EYS: variants seen among roughly 807,000 people sequenced by gnomAD.
EYS encodes the protein protein eyes shut homolog.
Under a neutral mutation model 282.1 loss-of-function variants are expected in EYS, and 250 were observed. That is an observed-to-expected ratio of 0.89 (90% CI 0.80 to 0.98). EYS has a LOEUF of 0.98. EYS is among the 50% of genes least tolerant of loss of function. The pLI is 0.00. For synonymous variants in EYS, 1,355 were observed against 1,282.9 expected (o/e 1.06, Z -1.20); for missense variants, 4,016 against 3,709.0 (o/e 1.08, Z -2.15).
At chr6:65,032,621 C>A (rs1772639789) in intron 13 of EYS, among the ~76,000 whole-genome samples, 1 of 152,122 alleles carries the variant, frequency 6.6e-6, no homozygotes, top group Non-Finnish European at 1.5e-5. Flanking sequence ...GGGCAGATGC[C>A]AGCACCATAC....
intron 7 of EYS, among the ~76,000 whole-genome samples, chr6:65,385,350 G>A (rs898915012): frequency 1.3e-5 from 2 of 151,752 alleles, no homozygotes; most frequent in Non-Finnish European, 2.9e-5. Context: ...AGGGATCAAA[G>A]GCCATGTTGG....
chr6:64,879,293 A>T (rs997339318), intron 19 of EYS, among the ~76,000 whole-genome samples: 17 of 152,272 alleles, frequency 1.1e-4, no homozygotes, highest in Admixed American at 8.5e-4. Context: ...ATAGTATCAA[A>T]ATCACCAGTC....
intron 35 of EYS, among the ~76,000 whole-genome samples, chr6:63,886,509 G>T (rs1350429485): frequency 1.3e-5 from 2 of 152,176 alleles, no homozygotes; most frequent in Non-Finnish European, 2.9e-5. Context: ...ATTTCAAGAA[G>T]TAATGCTATG....
At chr6:65,350,656 C>T (rs1770564385) in intron 9 of EYS, among the ~76,000 whole-genome samples, 1 of 151,604 alleles carries the variant, frequency 6.6e-6, no homozygotes, top group Non-Finnish European at 1.5e-5. Flanking sequence ...CTTCACTTCG[C>T]AACTCTTTAT....
chr6:63,913,882 T>C (rs1246802813), intron 35 of EYS, among the ~76,000 whole-genome samples: 1 of 152,166 alleles, frequency 6.6e-6, no homozygotes, highest in Admixed American at 6.5e-5. Context: ...CTACATCAAG[T>C]CTATCAATGT....
intron 22 of EYS, among the ~76,000 whole-genome samples, chr6:64,645,198 G>A (rs1053128939): frequency 7.2e-5 from 11 of 152,182 alleles, no homozygotes; most frequent in Non-Finnish European, 1.3e-4. Flanking sequence ...CTAAGCAATT[G>A]GGAGATTGAA....
intron 31 of EYS, among the ~76,000 whole-genome samples, chr6:64,190,392 G>T (rs1312702383): frequency 6.6e-6 from 1 of 152,164 alleles, no homozygotes; most frequent in African/African-American, 2.4e-5. Context: ...TGGAAGGTGG[G>T]TAATTATATC....
intron 12 of EYS, among the ~76,000 whole-genome samples, chr6:65,209,701 C>T (rs956389200): frequency 2.6e-5 from 4 of 151,838 alleles, no homozygotes; most frequent in African/African-American, 9.7e-5. Context: ...AAGTGCAATG[C>T]GTTACAAGAA....
chr6:63,850,643 C>T (rs1190549367), intron 36 of EYS, among the ~76,000 whole-genome samples: 1 of 152,104 alleles, frequency 6.6e-6, no homozygotes, highest in Non-Finnish European at 1.5e-5. Context: ...TTTGTGACCA[C>T]CAGGTCAGCC....
chr6:65,638,774 C>A (rs1486142942), intron 2 of EYS, among the ~76,000 whole-genome samples: 1 of 152,210 alleles, frequency 6.6e-6, no homozygotes, highest in African/African-American at 2.4e-5. Context: ...CCTTGGCCGG[C>A]GTGGGATCCT....
chr6:63,764,562 A>G (rs2149657255), intron 40 of EYS, among the ~76,000 whole-genome samples: 1 of 152,154 alleles, frequency 6.6e-6, no homozygotes, highest in South Asian at 2.1e-4. Flanking sequence ...ACTTGAAAAA[A>G]GCTTAAAATT....
intron 22 of EYS, among the ~76,000 whole-genome samples, chr6:64,742,217 A>G (rs1275503871): frequency 6.6e-6 from 1 of 152,142 alleles, no homozygotes; most frequent in Non-Finnish European, 1.5e-5. Context: ...TGAGGAGAGG[A>G]GAGAGCTAAA....
chr6:65,419,400 CAAAT>C (rs1475346119), intron 5 of EYS, among the ~76,000 whole-genome samples: 2 of 151,590 alleles, frequency 1.3e-5, no homozygotes, highest in Non-Finnish European at 1.5e-5. Context: ...AAAATTCACA[CAAAT>C]AAATTTATAG....
intron 12 of EYS, among the ~76,000 whole-genome samples, chr6:65,144,451 T>C (rs1413825250): frequency 1.3e-5 from 2 of 152,088 alleles, no homozygotes; most frequent in Non-Finnish European, 2.9e-5. Flanking sequence ...TACCTTTGAA[T>C]GGAAAAATTT....
At chr6:64,298,006 A>G (rs999060565) in intron 30 of EYS, among the ~76,000 whole-genome samples, 1 of 150,980 alleles carries the variant, frequency 6.6e-6, no homozygotes, top group Non-Finnish European at 1.5e-5. Flanking sequence ...AAAATTAGGT[A>G]GAAATTAAGA....
intron 12 of EYS, among the ~76,000 whole-genome samples, chr6:65,284,293 T>G (rs1191661609): frequency 6.6e-6 from 1 of 152,152 alleles, no homozygotes; most frequent in Admixed American, 6.6e-5. Flanking sequence ...ATAACTTATG[T>G]GAATATCCTG....
chr6:65,335,188 A>C, intron 10 of EYS, 42 bp from the exon 11 acceptor site: 1 of 1,290,932 alleles, frequency 7.7e-7, no homozygotes, highest in Non-Finnish European at 1.1e-6. Context: ...AATTCCCATC[A>C]CTTACTACAA....
chr6:65,434,666 A>G lies in EYS; in HGVS notation c.863-29299T>C, dbSNP rs545042188. Reference sequence around the variant, plus strand: ...AATTTTAAAATTGTCACTTCAACTTAAATGTTTCATCTATGAGAGGCTGCA... The same window carrying G: ...AATTTTAAAATTGTCACTTCAACTTGAATGTTTCATCTATGAGAGGCTGCA... On this transcript the variant is annotated intron_variant, in intron 5 of 42. Transcript: ENST00000503581. 9.9e-5 allele frequency among the ~76,000 whole-genome samples: 15 copies of G among 152,248 alleles called. No homozygotes were observed. The South Asian group carries it at 2.7e-3, about 27-fold the overall frequency.
chr6:65,352,602 A>T (rs1026237819), intron 9 of EYS, among the ~76,000 whole-genome samples: 2 of 151,886 alleles, frequency 1.3e-5, no homozygotes, highest in African/African-American at 2.4e-5. Flanking sequence ...TCCTGTTGAC[A>T]CCTTCATCAC....
Sources: allele counts gnomAD v4.1 joint callset (sites outside exome capture counted in the v4.1 genomes callset), GRCh38; gene constraint gnomAD v4.1.1; transcripts MANE v1.5; gene names NCBI Gene and HGNC (gene_info 2026-07-23, HGNC 2026-07-21).